The following VPS35L variants were observed in gnomAD, a reference collection of about 807,000 sequenced individuals.
The protein encoded by VPS35L is VPS35 endosomal protein-sorting factor-like.
Under a neutral mutation model 133.0 loss-of-function variants are expected in VPS35L, and 83 were observed. The ratio of observed to expected loss-of-function variants is 0.62; its 90% CI spans 0.52 to 0.75. The LOEUF (loss-of-function observed/expected upper bound fraction) is 0.75. Ranked by LOEUF, VPS35L falls within the 30% of genes least tolerant of loss-of-function variation. The pLI is 0.00. For missense variants in VPS35L, 1,083 were observed against 1,206.8 expected (o/e 0.90, Z 1.52); for synonymous variants, 423 against 449.9 (o/e 0.94, Z 0.76).
intron 7 of VPS35L, among the ~76,000 whole-genome samples, chr16:19,586,712 C>T (rs576940429): frequency 3.9e-5 from 6 of 152,300 alleles, no homozygotes; most frequent in Admixed American, 1.3e-4. Context: ...TATCTAAGAA[C>T]TCTTTGCCTA....
chr16:19,638,676 A>G (rs980380734), intron 20 of VPS35L, among the ~76,000 whole-genome samples: 25 of 152,262 alleles, frequency 1.6e-4, no homozygotes, highest in Non-Finnish European at 7.3e-5. Context: ...GATGACAAAG[A>G]CAGCTGCTAA....
intron 7 of VPS35L, among the ~76,000 whole-genome samples, chr16:19,589,509 T>C (rs755150447): frequency 6.6e-6 from 1 of 152,158 alleles, no homozygotes; most frequent in Non-Finnish European, 1.5e-5. Flanking sequence ...CCTCCCAAAG[T>C]GCTGGGATTA....
Position 19,637,676 on chromosome 16 carries a change from T to C in VPS35L, c.1698+20T>C, listed in dbSNP as rs199648211. Reference sequence around the variant, plus strand: ...TCAGTGGTAAGTAGGATTTCTTAATTATCTTTGGAAATTTGTACCTGGCTC... The same window carrying C: ...TCAGTGGTAAGTAGGATTTCTTAATCATCTTTGGAAATTTGTACCTGGCTC... On this transcript the variant is annotated intron_variant, in intron 20 of 30. Transcript: ENST00000417362. 2,356 of 1,533,002 alleles carry C rather than the reference T, an allele frequency of 1.5e-3. 8 individuals carry two copies. The highest frequency in any genetic ancestry group is 1.6e-3 in the Non-Finnish European group (1,766 of 1,122,892). The allele number at this position is 1,533,002 out of a possible 1,614,324, so 95.0% of individuals were successfully genotyped here.
In VPS35L at chr16:19,699,271, T is replaced by C; in HGVS notation, c.2647-231T>C. The C allele has an allele frequency of 2.1e-6, 1 of 481,376 alleles. No homozygotes were observed. Among genetic ancestry groups the C allele is most frequent in the Non-Finnish European group, 3.8e-6 (1 of 264,262 alleles). 29.8% of individuals were successfully genotyped at this position (481,376 alleles called of 1,614,324 possible). A position where few individuals can be genotyped will look rare whatever the true frequency, so the allele number is the denominator to read the frequency against. Reference sequence around the variant, plus strand: ...TAATGACCATCTGTGGGCACAGAGCTTCGTCATCTTACTGAATCCCCGCCC... The same window carrying C: ...TAATGACCATCTGTGGGCACAGAGCCTCGTCATCTTACTGAATCCCCGCCC... On this transcript the variant is annotated intron_variant, in intron 29 of 30. Coordinates refer to ENST00000417362, the MANE Select transcript of VPS35L (RefSeq NM_020314.7). The surrounding 1 kb of genome is among the most constrained non-coding windows in gnomAD (Gnocchi z 4.2).
chr16:19,663,744 T>C (rs1974571746), intron 26 of VPS35L, among the ~76,000 whole-genome samples: 1 of 148,782 alleles, frequency 6.7e-6, no homozygotes, highest in African/African-American at 2.5e-5. Flanking sequence ...CAAATGATCT[T>C]AGAGTTGATA....
At chr16:19,594,197 G>A (rs1972130481) in intron 8 of VPS35L, among the ~76,000 whole-genome samples, 1 of 152,148 alleles carries the variant, frequency 6.6e-6, no homozygotes, top group Non-Finnish European at 1.5e-5. Context: ...GAGTGATACA[G>A]TTAGCAGAAG....
At position 19,608,960 on chromosome 16, in the gene VPS35L, G is replaced by A. The variant is rs1359212931; in HGVS notation, c.882-14G>A. 6.2e-7 allele frequency: 1 copy of A among 1,611,778 alleles called. No individual in the cohort carries two copies. The highest frequency in any genetic ancestry group is 1.7e-5 in the Admixed American group (1 of 60,002). On this transcript the variant is annotated splice_polypyrimidine_tract_variant and intron_variant, in intron 10 of 30. Transcript: ENST00000417362. Reference sequence around the variant, plus strand: ...CTTCTGGAAAACATCTTCCTTAACAGGATGTTTTTGTAGTTACGTGGAGGC... The same window carrying A: ...CTTCTGGAAAACATCTTCCTTAACAAGATGTTTTTGTAGTTACGTGGAGGC...
chr16:19,624,041 C>T (rs1401378466), intron 14 of VPS35L, among the ~76,000 whole-genome samples: 1 of 149,804 alleles, frequency 6.7e-6, no homozygotes, highest in South Asian at 2.1e-4. Context: ...TAAGGTCAAG[C>T]CATCTGTCCC....
chr16:19,561,555 T>TG (rs1372395748), intron 1 of VPS35L, among the ~76,000 whole-genome samples: 1 of 152,106 alleles, frequency 6.6e-6, no homozygotes, highest in African/African-American at 2.4e-5. Flanking sequence ...GCTGACTAGT[T>TG]GCACGGCACA....
chr16:19,652,943 T>G (rs1974181712), intron 26 of VPS35L, among the ~76,000 whole-genome samples: 1 of 152,086 alleles, frequency 6.6e-6, no homozygotes, highest in African/African-American at 2.4e-5. Context: ...GTGATCTCAG[T>G]GATATCAGAA....
In VPS35L at chr16:19,581,609, T is replaced by TGGGCCTC; in HGVS notation, c.596_602dup (p.Asp202GlyfsTer40). 2 of 1,614,154 alleles carry TGGGCCTC rather than the reference T, an allele frequency of 1.2e-6. No individual in the cohort carries two copies. Among genetic ancestry groups the TGGGCCTC allele is most frequent in the Non-Finnish European group, 1.7e-6 (2 of 1,180,012 alleles). On this transcript the variant is annotated frameshift_variant, in exon 7 of 31. Coordinates refer to ENST00000417362, the MANE Select transcript of VPS35L (RefSeq NM_020314.7). LOFTEE classifies it high-confidence loss of function. Reference sequence around the variant, plus strand: ...GCTCAACCAATCGCTGAAGGATGCCTGGGCCTCAGACCAGAAAGTGAAGGC... The same window carrying TGGGCCTC: ...GCTCAACCAATCGCTGAAGGATGCCTGGGCCTCGGGCCTCAGACCAGAAAGTGAAGGC...
intron 6 of VPS35L, among the ~76,000 whole-genome samples, chr16:19,580,534 G>C (rs116315227): frequency 0.013 from 1,942 of 152,214 alleles, 46 homozygotes; most frequent in African/African-American, 0.043. Context: ...GTTGTGTGAA[G>C]AGCCTCTTAA....
chr16:19,668,402 C>T (rs949954145), intron 26 of VPS35L, among the ~76,000 whole-genome samples: 4 of 152,160 alleles, frequency 2.6e-5, no homozygotes, highest in African/African-American at 9.7e-5. Context: ...ACCTCCCATC[C>T]TTCCTGCTCT....
At chr16:19,660,309 CAG>C (rs1974440887) in intron 26 of VPS35L, among the ~76,000 whole-genome samples, 1 of 149,750 alleles carries the variant, frequency 6.7e-6, no homozygotes, top group Non-Finnish European at 1.5e-5. Flanking sequence ...GCCTGGGCAA[CAG>C]AGTGTGACCC....
At chr16:19,568,462 G>A (rs1971258629) in intron 2 of VPS35L, among the ~76,000 whole-genome samples, 1 of 151,440 alleles carries the variant, frequency 6.6e-6, no homozygotes. Context: ...TATTCATTCG[G>A]TCTCCAGCCC....
At position 19,619,788 on chromosome 16, in the gene VPS35L, TA is replaced by T. The variant is rs555245133; in HGVS notation, c.1224+2988del. 2.3e-3 allele frequency among the ~76,000 whole-genome samples: 345 copies of T among 152,000 alleles called. 1 individual carries two copies. The highest frequency in any genetic ancestry group is 7.1e-3 in the African/African-American group (295 of 41,456). On this transcript the variant is annotated intron_variant, in intron 14 of 30. Transcript: ENST00000417362. ...ACTTAAAGGACATGCAGTGTCTTGT[TA>T]AAAAAAATAGTCATTTTCAAACTGC...
chr16:19,635,137 G>A (rs547673985), intron 19 of VPS35L, among the ~76,000 whole-genome samples: 2 of 152,124 alleles, frequency 1.3e-5, no homozygotes, highest in Admixed American at 1.3e-4. Context: ...CCAGGAGTTC[G>A]AGTCCAGTGT....
chr16:19,629,804 C>T lies in VPS35L; in HGVS notation c.1538C>T (p.Thr513Ile). Residue 513 changes from threonine (T) to isoleucine (I), a missense_variant, in exon 18 of 31, where the codon ACC (threonine) becomes ATC (isoleucine). Transcript: ENST00000417362. ...TGTGCCGAAGTGTGGGTGGAATACA[C>T]CTGCAAGCATTTCACGGTATGTGTG... ...INCAEVWVEY[T>I]CKHFTKREVN... 2 of 1,613,764 alleles carry T rather than the reference C, an allele frequency of 1.2e-6. No homozygotes were observed. Among genetic ancestry groups the T allele is most frequent in the Non-Finnish European group, 1.7e-6 (2 of 1,179,722 alleles).
chr16:19,597,527 G>A lies in VPS35L; in HGVS notation c.725-4137G>A, dbSNP rs188912502. 1.2e-4 allele frequency among the ~76,000 whole-genome samples: 18 copies of A among 152,316 alleles called. No homozygotes were observed. The East Asian group carries it at 2.5e-3, about 21-fold the overall frequency. ...GTGAGGTGGATGGGATGGGCCAGGAGAGAAACTGCGCTCGGTACCTTCTGC... is the reference window on the plus strand; with the variant it reads ...GTGAGGTGGATGGGATGGGCCAGGAAAGAAACTGCGCTCGGTACCTTCTGC... On this transcript the variant is annotated intron_variant, in intron 8 of 30. Coordinates refer to ENST00000417362, the MANE Select transcript of VPS35L (RefSeq NM_020314.7).
Sources: allele counts gnomAD v4.1 joint callset (sites outside exome capture counted in the v4.1 genomes callset), GRCh38; gene constraint gnomAD v4.1.1; non-coding constraint Gnocchi (gnomAD v3.1); transcripts MANE v1.5; gene names NCBI Gene and HGNC (gene_info 2026-07-23, HGNC 2026-07-21).